SMC3: variants seen among roughly 807,000 people sequenced by gnomAD.
The protein encoded by SMC3 is structural maintenance of chromosomes 3.
SMC3 carries 20 observed loss-of-function variants against 171.8 expected under a neutral mutation model. The ratio of observed to expected loss-of-function variants is 0.12; its 90% confidence interval spans 0.08 to 0.17. SMC3 has a LOEUF of 0.17. SMC3 is among the 10% of genes least tolerant of loss of function. The pLI is 1.00. For missense variants in SMC3, 543 were observed against 1,420.4 expected (o/e 0.38, Z 9.93); for synonymous variants, 464 against 451.1 (o/e 1.03, Z -0.36).
intron 5 of SMC3, 93 bp downstream of exon 5, chr10:110,577,585 G>C: frequency 1.1e-6 from 1 of 896,166 alleles, no homozygotes; most frequent in South Asian, 1.5e-5. Context: ...TTTATAATTT[G>C]TTATAATTAC....
At chr10:110,574,427 T>C (rs1422324490) in intron 3 of SMC3, among the ~76,000 whole-genome samples, 1 of 152,216 alleles carries the variant, frequency 6.6e-6, no homozygotes, top group Non-Finnish European at 1.5e-5. Flanking sequence ...TTTAGTTGGG[T>C]AATGCTTGAG....
chr10:110,586,721 G>A (rs951109563), intron 13 of SMC3, among the ~76,000 whole-genome samples: 3 of 152,014 alleles, frequency 2.0e-5, no homozygotes, highest in African/African-American at 4.8e-5. Context: ...GCAATGGTGC[G>A]ATCTTGGCTC....
At chr10:110,568,614 ATAGACTTGCTATTGTACT>A (rs1375272244) in intron 1 of SMC3, 1 of 302,400 alleles carries the variant, frequency 3.3e-6, no homozygotes, top group African/African-American at 2.2e-5. Context: ...GCCTGCTTTT[ATAGACTTGCTATTGTACT>A]GCAGCGTTTA....
intron 23 of SMC3, 47 bp from the exon 24 acceptor site, chr10:110,601,590 C>T: frequency 1.9e-6 from 3 of 1,585,328 alleles, no homozygotes; most frequent in Non-Finnish European, 1.7e-6. Flanking sequence ...ACATATAACA[C>T]TGGCTTTATA....
chr10:110,602,812 TG>T lies in SMC3; in HGVS notation c.3298-12del. 6.2e-7 allele frequency: 1 copy of T among 1,612,248 alleles called. No homozygotes were observed. Among genetic ancestry groups the T allele is most frequent in the Non-Finnish European group, 8.5e-7 (1 of 1,178,354 alleles). ...CCCTTTAGGATATTAACTCATAATA[TG>T]TTTATTTTTAGGTGTCATTTACAGG... On this transcript the variant is annotated splice_polypyrimidine_tract_variant and intron_variant, in intron 26 of 28. Transcript: ENST00000361804.
chr10:110,568,821 T>C (rs188315536), intron 1 of SMC3, 117 bp from the exon 2 acceptor site: 1 of 672,046 alleles, frequency 1.5e-6, no homozygotes, highest in East Asian at 2.7e-5. Flanking sequence ...GAATTTTTCT[T>C]ATATGAAATT....
intron 19 of SMC3, among the ~76,000 whole-genome samples, chr10:110,597,586 G>T (rs1212551252): frequency 2.0e-5 from 3 of 152,212 alleles, no homozygotes; most frequent in Admixed American, 2.0e-4. Flanking sequence ...GACCTTGCAG[G>T]GGTCTGCATA....
At position 110,589,716 on chromosome 10, in the gene SMC3, T is replaced by C. The variant is rs1267944615; in HGVS notation, c.1409+8T>C. ...ACTACAAAGTGAAAGAAAGTTAGTATAGACTAAAATGTGCATTAATGTTTT... is the reference window on the plus strand; with the variant it reads ...ACTACAAAGTGAAAGAAAGTTAGTACAGACTAAAATGTGCATTAATGTTTT... On this transcript the variant is annotated splice_region_variant and intron_variant, in intron 14 of 28. Transcript: ENST00000361804. 1.3e-6 allele frequency: 2 copies of C among 1,532,568 alleles called. No homozygotes were observed. Among genetic ancestry groups the C allele is most frequent in the Admixed American group, 3.4e-5 (2 of 59,498 alleles). The allele number at this position is 1,532,568 out of a possible 1,614,324, so 94.9% of individuals were successfully genotyped here.
chr10:110,579,199 T>A (rs1208435537), intron 7 of SMC3, among the ~76,000 whole-genome samples: 1 of 152,216 alleles, frequency 6.6e-6, no homozygotes, highest in African/African-American at 2.4e-5. Context: ...TCTCTTCTCA[T>A]ATACTTTCAC....
At chr10:110,589,472 T>C (rs1196518865) in intron 13 of SMC3, 133 bp from the exon 14 acceptor site, 11 of 654,624 alleles carry the variant, frequency 1.7e-5, no homozygotes, top group Non-Finnish European at 3.0e-5. Context: ...CAAAAGCGTT[T>C]TCCATACCCC....
In SMC3 at chr10:110,604,969, G is replaced by A. The variant is rs563633141; in HGVS notation, c.*667G>A. 5.3e-5 allele frequency among the ~76,000 whole-genome samples: 8 copies of A among 152,224 alleles called. No individual in the cohort carries two copies. The South Asian group carries it at 1.7e-3, about 32-fold the overall frequency. ...ATTACATTTACTTACATCTCCTCTAGTCTGTGACAATTTCTCTGTCATTGT... is the reference window on the plus strand; with the variant it reads ...ATTACATTTACTTACATCTCCTCTAATCTGTGACAATTTCTCTGTCATTGT... On this transcript the variant is annotated 3_prime_UTR_variant, in exon 29 of 29. Transcript: ENST00000361804.
chr10:110,594,750 T>G (rs1249424010), intron 18 of SMC3, among the ~76,000 whole-genome samples: 2 of 152,068 alleles, frequency 1.3e-5, no homozygotes, highest in African/African-American at 4.8e-5. Flanking sequence ...CGTTTTGTTG[T>G]GGTTGTTTTT....
rs1269722772 is a variant in SMC3, at chr10:110,599,665, A to G, written c.2280A>G (p.Leu760=). 1.2e-6 allele frequency: 2 copies of G among 1,613,980 alleles called. No homozygotes were observed. The highest frequency in any genetic ancestry group is 1.7e-5 in the Admixed American group (1 of 60,022). Residue 760 remains leucine (L), a synonymous_variant, in exon 21 of 29, where the codon TTA becomes TTG. Coordinates refer to ENST00000361804, the MANE Select transcript of SMC3 (RefSeq NM_005445.4). ...EKTFMPKQRS[L]QSLEASLHAM... The stretch of plus-strand genomic sequence containing the variant: ...ATAATGTCATATAGCAACGTAGCTT[A>G]CAGAGTTTGGAGGCAAGCTTGCATG...
At chr10:110,581,657 T>C (rs1286336529) in intron 8 of SMC3, among the ~76,000 whole-genome samples, 1 of 152,212 alleles carries the variant, frequency 6.6e-6, no homozygotes, top group Non-Finnish European at 1.5e-5. Context: ...TAGCATTCCA[T>C]TATTGGAATC....
intron 20 of SMC3, 95 bp downstream of exon 20, chr10:110,598,385 T>C (rs553435538): frequency 5.9e-6 from 8 of 1,358,886 alleles, no homozygotes; most frequent in Non-Finnish European, 8.4e-6. Context: ...TTGAATTTTA[T>C]GTTTCATTTT....
Position 110,574,206 on chromosome 10 carries a change from A to G in SMC3, c.130+461A>G, listed in dbSNP as rs553171934. 5.9e-5 allele frequency among the ~76,000 whole-genome samples: 9 copies of G among 152,342 alleles called. No homozygotes were observed. The South Asian group carries it at 1.9e-3, about 32-fold the overall frequency. On this transcript the variant is annotated intron_variant, in intron 3 of 28. Coordinates refer to ENST00000361804, the MANE Select transcript of SMC3 (RefSeq NM_005445.4). ...TTCACCTTTTTGAAAACGTTTTCTAAACCAATCATCTTTGTAAAGGATGAA... is the reference window on the plus strand; with the variant it reads ...TTCACCTTTTTGAAAACGTTTTCTAGACCAATCATCTTTGTAAAGGATGAA...
chr10:110,585,309 A>T (rs12572340), intron 13 of SMC3, among the ~76,000 whole-genome samples: 14 of 134,122 alleles, frequency 1.0e-4, no homozygotes, highest in South Asian at 4.7e-4. Flanking sequence ...TTTTTTTTTT[A>T]ATACGAGTCT....
chr10:110,599,462 CCCT>C (rs1861354058), intron 20 of SMC3, among the ~76,000 whole-genome samples, 189 bp from the exon 21 acceptor site: 1 of 118,868 alleles, frequency 8.4e-6, no homozygotes, highest in South Asian at 3.1e-4. Flanking sequence ...ATCTGCCCCA[CCCT>C]GCCCCACCTA....
intron 2 of SMC3, among the ~76,000 whole-genome samples, chr10:110,572,047 T>C (rs1860880481): frequency 6.6e-6 from 1 of 152,238 alleles, no homozygotes; most frequent in Non-Finnish European, 1.5e-5. Context: ...TAAACTTTTA[T>C]TTAGAAATAG....
Sources: gnomAD v4.1 joint callset for allele counts (sites outside exome capture counted in the v4.1 genomes callset) on GRCh38, gnomAD v4.1.1 for gene constraint, MANE v1.5 for transcripts, NCBI Gene and HGNC (gene_info 2026-07-23, HGNC 2026-07-21) for gene names.